SPTBN5: variants seen among roughly 807,000 people sequenced by gnomAD.
SPTBN5 encodes spectrin beta chain, non-erythrocytic 5.
In SPTBN5, 513 loss-of-function variants were observed where a neutral mutation model predicts 477.6. The ratio of observed to expected loss-of-function variants is 1.07; its 90% CI spans 1.00 to 1.16. The LOEUF is 1.16. SPTBN5 is among the 50% of genes most tolerant of loss of function. SPTBN5 has a pLI of 0.00. For missense variants in SPTBN5, 5,062 were observed against 4,731.8 expected, an observed-to-expected ratio of 1.07 and a Z score of -2.05; for synonymous variants, 2,169 against 2,011.7, an observed-to-expected ratio of 1.08 and a Z score of -2.09.
chr15:41,851,461 C>A, intron 63 of SPTBN5, 92 bp from the exon 64 acceptor site: 1 of 970,524 alleles, frequency 1.0e-6, no homozygotes. Context: ...TGGAGCTTCC[C>A]AGGAAAAGCG....
Position 41,873,512 on chromosome 15 carries a change from T to C in SPTBN5, c.4987A>G (p.Arg1663Gly). The change falls in exon 26 of 68, where the codon AGG becomes GGG. Residue 1663 changes from arginine (R) to glycine (G), a missense_variant. Coordinates refer to ENST00000320955, the MANE Select transcript of SPTBN5 (RefSeq NM_016642.4). ...GGTACCTGGTGCTTGTTAATGAGCCTGAGGGTGGCTGCCTCGTCTCTGCCA... is the reference window on the plus strand; with the variant it reads ...GGTACCTGGTGCTTGTTAATGAGCCCGAGGGTGGCTGCCTCGTCTCTGCCA... ...DYGRDEAATLRLINKHQALQE... is the reference protein window; with the variant it reads ...DYGRDEAATLGLINKHQALQE... 1 of 1,551,688 alleles carries C rather than the reference T, an allele frequency of 6.4e-7. No individual in the cohort carries two copies. Among genetic ancestry groups the C allele is most frequent in the Non-Finnish European group, 8.7e-7 (1 of 1,146,970 alleles).
rs1479135270 is a variant in SPTBN5, at chr15:41,856,451, C to T, written c.8956G>A (p.Ala2986Thr). The T allele has an allele frequency of 6.3e-7, 1 of 1,595,980 alleles. No individual in the cohort carries two copies. Among genetic ancestry groups the T allele is most frequent in the African/African-American group, 1.3e-5 (1 of 74,476 alleles). ...QLEKAMAHLR[A>T]EAARRRLLLQ... is the part of the protein sequence containing the mutation. Reference sequence around the variant, plus strand: ...AGAAGCCGCCTCCGCGCCGCCTCTGCCCGCAGGTGGGCCATGGCCTTCTCC... The same window carrying T: ...AGAAGCCGCCTCCGCGCCGCCTCTGTCCGCAGGTGGGCCATGGCCTTCTCC... The change falls in exon 53 of 68, where the codon GCA becomes ACA. Residue 2986 changes from alanine (A) to threonine (T), a missense_variant. Transcript: ENST00000320955.
chr15:41,860,923 A>G (rs1168618607), intron 46 of SPTBN5, among the ~76,000 whole-genome samples, 165 bp from the exon 47 acceptor site: 1 of 152,266 alleles, frequency 6.6e-6, no homozygotes, highest in African/African-American at 2.4e-5. Context: ...GCTTTAGGAC[A>G]GTGATTCCCA....
intron 24 of SPTBN5, 78 bp from the exon 25 acceptor site, chr15:41,874,123 C>A (rs1276503373): frequency 6.6e-7 from 1 of 1,521,764 alleles, no homozygotes; most frequent in Non-Finnish European, 8.8e-7. Flanking sequence ...TGGCTCCAGG[C>A]CCCAATCATG....
Position 41,853,726 on chromosome 15 carries a change from C to T in SPTBN5, c.9836G>A (p.Gly3279Asp), listed in dbSNP as rs778741487. The T allele has an allele frequency of 2.5e-6, 4 of 1,591,188 alleles. No homozygotes were observed. The Admixed American group carries it at 7.0e-5, about 28-fold the overall frequency. Residue 3279 changes from glycine (G) to aspartate (D), a missense_variant, in exon 58 of 68, where the codon GGC (glycine) becomes GAC (aspartate). Gly to Asp is a moderately conservative substitution (Grantham distance 94, BLOSUM62 -1). Coordinates refer to ENST00000320955, the MANE Select transcript of SPTBN5 (RefSeq NM_016642.4). ...CCCCGGAGCTGCAGGATGTAGCTGG[C>T]CCAGTCGGCAGGCCTCCGTCTGTAG... Reference protein sequence around the residue: ...ARLQTEACRLGQLHPAAPGGL... With the variant: ...ARLQTEACRLDQLHPAAPGGL...
At position 41,858,643 on chromosome 15, in the gene SPTBN5, C is replaced by G; in HGVS notation, c.8185G>C (p.Glu2729Gln). ...QLQKQQNFQA[E>Q]LDASMHQQQE... The stretch of plus-strand genomic sequence containing the variant: ...TGTTGGTGCATGCTCGCGTCCAGCT[C>G]CGCCTGGAAATTCTGCTGCTTCTGT... Residue 2729 changes from glutamate (E) to glutamine (Q), a missense_variant, in exon 49 of 68, where the codon GAG (glutamate) becomes CAG (glutamine). Transcript: ENST00000320955. 1.9e-6 allele frequency: 3 copies of G among 1,611,566 alleles called. No homozygotes were observed. Among genetic ancestry groups the G allele is most frequent in the Non-Finnish European group, 2.5e-6 (3 of 1,179,464 alleles).
intron 41 of SPTBN5, 26 bp from the exon 42 acceptor site, chr15:41,862,929 C>T (rs1169049850): frequency 1.3e-6 from 2 of 1,550,372 alleles, no homozygotes; most frequent in African/African-American, 1.4e-5. Context: ...GGCCAGTTAC[C>T]TGCTGGGCCT....
intron 67 of SPTBN5, 88 bp from the exon 68 acceptor site, chr15:41,848,716 C>T: frequency 1.4e-6 from 2 of 1,473,112 alleles, no homozygotes; most frequent in Non-Finnish European, 1.9e-6. Flanking sequence ...CTGCCCTCCC[C>T]TGGACCAGCC....
At chr15:41,855,075 TCAGCC>T in intron 55 of SPTBN5, 99 bp from the exon 56 acceptor site, 1 of 1,447,492 alleles carries the variant, frequency 6.9e-7, no homozygotes, top group Non-Finnish European at 9.2e-7. Flanking sequence ...CTGAAATCCC[TCAGCC>T]CAGGTTCTGG....
chr15:41,848,675 A>ATCT (rs1158767928), intron 67 of SPTBN5, 47 bp from the exon 68 acceptor site: 1 of 1,611,212 alleles, frequency 6.2e-7, no homozygotes, highest in East Asian at 2.2e-5. Context: ...CCACCCCAGA[A>ATCT]TCTTCTCCAA....
chr15:41,893,603 G>A, intron 1 of SPTBN5, 57 bp from the exon 2 acceptor site: 1 of 1,469,412 alleles, frequency 6.8e-7, no homozygotes. Context: ...TCTACCAGGG[G>A]CCTGGGGTCC....
At position 41,862,303 on chromosome 15, in the gene SPTBN5, C is replaced by A. The variant is rs372666245; in HGVS notation, c.7386-11G>T. 1.3e-6 allele frequency: 2 copies of A among 1,582,854 alleles called. No homozygotes were observed. Among genetic ancestry groups the A allele is most frequent in the African/African-American group, 2.7e-5 (2 of 74,220 alleles). On this transcript the variant is annotated splice_polypyrimidine_tract_variant and intron_variant, in intron 43 of 67. Transcript: ENST00000320955. ...TCCAGCGCCTCCCTCCTGCCCACAG[C>A]GCTCATCAGCTAGTCGTCAGGCCTT... is the stretch of plus-strand genomic sequence containing the variant.
In SPTBN5 at chr15:41,881,236, T is replaced by C. The variant is rs754089460; in HGVS notation, c.2458-2A>G. Reference sequence around the variant, plus strand: ...TGGAGGGCTCAGGGCAGAGTTCACCTGTGTGACAAAGGGCAGCGCGTCTAC... The same window carrying C: ...TGGAGGGCTCAGGGCAGAGTTCACCCGTGTGACAAAGGGCAGCGCGTCTAC... On this transcript the variant is annotated splice_acceptor_variant, in intron 12 of 67. Transcript: ENST00000320955. LOFTEE classifies it high-confidence loss of function. 6.2e-7 allele frequency: 1 copy of C among 1,601,032 alleles called. No homozygotes were observed. The highest frequency in any genetic ancestry group is 8.5e-7 in the Non-Finnish European group (1 of 1,174,772).
At chr15:41,855,091 A>G in intron 55 of SPTBN5, 115 bp from the exon 56 acceptor site, 2 of 1,432,554 alleles carry the variant, frequency 1.4e-6, no homozygotes, top group Non-Finnish European at 1.9e-6. Context: ...CAGGTTCTGG[A>G]ACCATCGGGA....
At chr15:41,881,912 G>C in intron 12 of SPTBN5, 24 bp downstream of exon 12, 1 of 1,514,664 alleles carries the variant, frequency 6.6e-7, no homozygotes, top group Non-Finnish European at 8.8e-7. Context: ...GAGACCAGGC[G>C]CCCTTCCCTG....
intron 53 of SPTBN5, 23 bp from the exon 54 acceptor site, chr15:41,855,768 C>G (rs771598294): frequency 6.5e-7 from 1 of 1,539,382 alleles, no homozygotes; most frequent in Non-Finnish European, 8.7e-7. Flanking sequence ...GAGTGGAGAT[C>G]CGTTTTCCCG....
intron 55 of SPTBN5, 39 bp downstream of exon 55, chr15:41,855,185 C>G (rs751802538): frequency 7.0e-6 from 11 of 1,579,982 alleles, no homozygotes. Context: ...TCCTCAGCCT[C>G]TGCCCACTCC....
At chr15:41,851,225 C>A (rs2065748786) in intron 64 of SPTBN5, 58 bp downstream of exon 64, 2 of 1,564,864 alleles carry the variant, frequency 1.3e-6, no homozygotes, top group Non-Finnish European at 1.7e-6. Context: ...GTCCTGGGGC[C>A]CCTCTGCCTT....
intron 4 of SPTBN5, among the ~76,000 whole-genome samples, chr15:41,888,699 A>T (rs867977094): frequency 6.6e-6 from 1 of 152,224 alleles, no homozygotes; most frequent in South Asian, 2.1e-4. Context: ...GACTTTAAAT[A>T]ATCTGCCTGC....
Sources: allele counts gnomAD v4.1 joint callset (sites outside exome capture counted in the v4.1 genomes callset), GRCh38; gene constraint gnomAD v4.1.1; transcripts MANE v1.5; gene names NCBI Gene and HGNC (gene_info 2026-07-23, HGNC 2026-07-21).